Variants in ZNF236 observed in about 807,000 individuals in gnomAD.
ZNF236 encodes regulated by glucose.
ZNF236 carries 50 observed loss-of-function variants against 191.2 expected under a neutral mutation model. The ratio of observed to expected loss-of-function variants is 0.26; its 90% confidence interval spans 0.21 to 0.33. The LOEUF is 0.33. Ranked by LOEUF, ZNF236 falls within the 10% of genes least tolerant of loss-of-function variation. The pLI is 1.00. For synonymous variants in ZNF236, 907 were observed against 928.8 expected (o/e 0.98, Z 0.43); for missense variants, 1,754 against 2,374.5 (o/e 0.74, Z 5.43).
At chr18:76,837,121 ACCCCCTC>A (rs1320596649) in intron 1 of ZNF236, among the ~76,000 whole-genome samples, 10 of 32,694 alleles carry the variant, frequency 3.1e-4, no homozygotes, top group Admixed American at 2.0e-3. Flanking sequence ...AGTGATCCGC[ACCCCCTC>A]CCCCCCCCCC....
intron 25 of ZNF236, 107 bp from the exon 26 acceptor site, chr18:76,937,049 G>A (rs189769245): frequency 2.0e-6 from 2 of 979,488 alleles, no homozygotes; most frequent in South Asian, 1.7e-5. Flanking sequence ...TGGAGACCTC[G>A]GGCATGAATG....
At chr18:76,849,402 G>T in intron 1 of ZNF236, 124 bp from the exon 2 acceptor site, 1 of 707,210 alleles carries the variant, frequency 1.4e-6, no homozygotes, top group Non-Finnish European at 2.2e-6. Context: ...CATTAATTTC[G>T]TCTAAAATGT....
chr18:76,910,435 G>GT (rs1967187275), intron 15 of ZNF236, among the ~76,000 whole-genome samples: 1 of 152,066 alleles, frequency 6.6e-6, no homozygotes. Context: ...TTGGAACTTC[G>GT]TGGTGGCTGG....
chr18:76,833,338 TG>T (rs1018902711), intron 1 of ZNF236, among the ~76,000 whole-genome samples: 2 of 152,122 alleles, frequency 1.3e-5, no homozygotes, highest in Admixed American at 1.3e-4. Flanking sequence ...GGGTTTCTTT[TG>T]GGGGGTGGAG....
In ZNF236 at chr18:76,925,224, G is replaced by A. The variant is rs369762903; in HGVS notation, c.3697G>A (p.Ala1233Thr). 3 of 1,614,072 alleles carry A rather than the reference G, an allele frequency of 1.9e-6. No individual in the cohort carries two copies. Among genetic ancestry groups the A allele is most frequent in the Non-Finnish European group, 1.7e-6 (2 of 1,180,000 alleles). Residue 1233 changes from alanine (A) to threonine (T), a missense_variant, in exon 22 of 31, where the codon GCC (alanine) becomes ACC (threonine). Physicochemically the swap from Ala to Thr is moderately conservative, Grantham distance 58. Transcript: ENST00000320610. The surrounding 1 kb of genome is among the most constrained non-coding windows in gnomAD (Gnocchi z 5.7). ...KLFSCHVCSN[A>T]FSTKGSLKVH... ...CTTCAGCTGTCACGTCTGCAGCAAC[G>A]CCTTCTCCACGAAGGGAAGTCTGAA...
rs1974876781 is a variant in ZNF236, at chr18:76,822,564, A to AGTGTGAGTGTGAGTGG, written c.-38_-23dup. On this transcript the variant is annotated 5_prime_UTR_variant, in exon 1 of 31. Coordinates refer to ENST00000320610, the MANE Select transcript of ZNF236 (RefSeq NM_001306089.2). ...GCCCCCGCCGCCGCGTGTGAGTGTG[A>AGTGTGAGTGTGAGTGG]GTGTGAGTGTGAGTGGGTGTGGGTG... The AGTGTGAGTGTGAGTGG allele has an allele frequency of 6.8e-6, 1 of 147,602 alleles. No homozygotes were observed. The highest frequency in any genetic ancestry group is 1.5e-5 in the Non-Finnish European group (1 of 67,094). 9.1% of individuals were successfully genotyped at this position (147,602 alleles called of 1,614,324 possible). A position where few individuals can be genotyped will look rare whatever the true frequency, so the allele number is the denominator to read the frequency against.
chr18:76,931,464 T>A (rs1967844256), intron 25 of ZNF236, among the ~76,000 whole-genome samples: 1 of 152,228 alleles, frequency 6.6e-6, no homozygotes, highest in African/African-American at 2.4e-5. Context: ...GCCATGAAAG[T>A]AAATAATTTT....
At chr18:76,893,808 C>T (rs112168679) in intron 9 of ZNF236, among the ~76,000 whole-genome samples, 1,841 of 152,336 alleles carry the variant, frequency 0.012, 26 homozygotes, top group African/African-American at 0.042. Context: ...CCACTGCGCC[C>T]GGCCCACCTT....
intron 4 of ZNF236, among the ~76,000 whole-genome samples, chr18:76,871,243 T>C (rs954252416): frequency 1.6e-4 from 25 of 152,136 alleles, no homozygotes; most frequent in African/African-American, 6.0e-4. Context: ...CAATGCCAAG[T>C]GAGAGTTGGC....
chr18:76,927,145 G>C lies in ZNF236; in HGVS notation c.4136G>C (p.Gly1379Ala). Reference protein sequence around the residue: ...NLVGPNVQISGIDAASINNIT... With the variant: ...NLVGPNVQISAIDAASINNIT... ...GTTGGACCAAATGTACAGATTTCTGGAATCGATGCTGCCAGCATTAATAAC... is the reference window on the plus strand; with the variant it reads ...GTTGGACCAAATGTACAGATTTCTGCAATCGATGCTGCCAGCATTAATAAC... The change falls in exon 23 of 31, where the codon GGA becomes GCA. Residue 1379 changes from glycine to alanine, a missense_variant. Physicochemically the swap from Gly to Ala is moderately conservative, Grantham distance 60. Transcript: ENST00000320610. The surrounding 1 kb of genome is among the most constrained non-coding windows in gnomAD (Gnocchi z 5.4). 6.2e-7 allele frequency: 1 copy of C among 1,614,072 alleles called. No homozygotes were observed. The highest frequency in any genetic ancestry group is 8.5e-7 in the Non-Finnish European group (1 of 1,179,972).
chr18:76,871,089 C>T (rs1296843343), intron 4 of ZNF236, among the ~76,000 whole-genome samples: 3 of 152,144 alleles, frequency 2.0e-5, no homozygotes, highest in Admixed American at 2.0e-4. Flanking sequence ...AGAGTAAGAC[C>T]AGCAGCTTTT....
chr18:76,904,183 ATATAT>A (rs1977677318), intron 11 of ZNF236, among the ~76,000 whole-genome samples, 192 bp from the exon 12 acceptor site: 1 of 151,548 alleles, frequency 6.6e-6, no homozygotes, highest in African/African-American at 2.4e-5. Flanking sequence ...TATATTATAA[ATATAT>A]TAATTTATAA....
intron 26 of ZNF236, among the ~76,000 whole-genome samples, chr18:76,938,684 G>A (rs1193577273): frequency 6.6e-6 from 1 of 152,166 alleles, no homozygotes; most frequent in Non-Finnish European, 1.5e-5. Context: ...CCTCACCGAG[G>A]CCCCCTGCAC....
intron 1 of ZNF236, among the ~76,000 whole-genome samples, chr18:76,840,494 CA>C (rs202010236): frequency 7.9e-5 from 11 of 139,450 alleles, no homozygotes; most frequent in South Asian, 2.3e-4. Flanking sequence ...AACTCTGTCT[CA>C]AAAAAAAAAG....
chr18:76,868,110 C>CTG (rs373438759), intron 3 of ZNF236, among the ~76,000 whole-genome samples: 2 of 151,728 alleles, frequency 1.3e-5, no homozygotes, highest in Non-Finnish European at 2.9e-5. Context: ...CTTTGAACTC[C>CTG]TGTGTGTGTG....
intron 3 of ZNF236, among the ~76,000 whole-genome samples, chr18:76,854,545 G>A (rs1284323823): frequency 1.3e-5 from 2 of 150,554 alleles, no homozygotes; most frequent in Admixed American, 1.3e-4. Context: ...CTTGAGCTCA[G>A]GAGTTTGAGA....
chr18:76,912,631 A>G (rs557718566), intron 17 of ZNF236, among the ~76,000 whole-genome samples: 1 of 152,294 alleles, frequency 6.6e-6, no homozygotes, highest in South Asian at 2.1e-4. Flanking sequence ...GTTTTAAGTC[A>G]TTATTATTCC....
intron 16 of ZNF236, 99 bp downstream of exon 16, chr18:76,910,910 G>T: frequency 1.5e-6 from 2 of 1,364,842 alleles, no homozygotes; most frequent in Non-Finnish European, 2.0e-6. Flanking sequence ...GAAATTTTAA[G>T]AGGCATGCTC....
At chr18:76,902,612 C>T (rs894474049) in intron 11 of ZNF236, among the ~76,000 whole-genome samples, 5 of 152,076 alleles carry the variant, frequency 3.3e-5, no homozygotes, top group Admixed American at 1.3e-4. Context: ...CACTCTGTCA[C>T]CCAGGCTGGA....
Sources: gnomAD v4.1 joint callset for allele counts (sites outside exome capture counted in the v4.1 genomes callset) on GRCh38, gnomAD v4.1.1 for gene constraint, Gnocchi (gnomAD v3.1) non-coding constraint, MANE v1.5 for transcripts, NCBI Gene and HGNC (gene_info 2026-07-23, HGNC 2026-07-21) for gene names.